The following ASH1L variants were observed in gnomAD, a reference collection of about 807,000 sequenced individuals.
ASH1L encodes the protein histone-lysine N-methyltransferase ASH1L.
A neutral mutation model predicts 269.0 loss-of-function variants in ASH1L; 23 were observed. The observed-to-expected ratio is 0.09, with a 90% CI of 0.06 to 0.12. The LOEUF is 0.12. Ranked by LOEUF, ASH1L falls within the 10% of genes least tolerant of loss-of-function variation. The pLI is 1.00. For missense variants in ASH1L, 2,912 were observed against 3,567.8 expected (o/e 0.82, Z 4.68); for synonymous variants, 1,187 against 1,253.5 (o/e 0.95, Z 1.12).
intron 6 of ASH1L, among the ~76,000 whole-genome samples, chr1:155,406,414 C>G (rs1659298822): frequency 6.6e-6 from 1 of 152,098 alleles, no homozygotes; most frequent in South Asian, 2.1e-4. Context: ...TTACAAAACT[C>G]CGGTATTTGG....
chr1:155,393,804 G>C (rs1054990546), intron 7 of ASH1L, among the ~76,000 whole-genome samples: 24 of 151,890 alleles, frequency 1.6e-4, no homozygotes, highest in African/African-American at 5.8e-4. Context: ...CACCTGCCTA[G>C]GTCTCCCAAA....
intron 7 of ASH1L, among the ~76,000 whole-genome samples, chr1:155,384,059 A>T (rs935035652): frequency 1.3e-5 from 2 of 152,228 alleles, no homozygotes; most frequent in African/African-American, 4.8e-5. Flanking sequence ...GCAGTGTTAA[A>T]ACTTTTTGCT....
intron 3 of ASH1L, among the ~76,000 whole-genome samples, chr1:155,460,177 T>G (rs1280869751): frequency 6.6e-6 from 1 of 152,310 alleles, no homozygotes. Context: ...TATGATTTAG[T>G]TTTCATGTGT....
At chr1:155,348,082 A>T (rs1168715653) in intron 19 of ASH1L, among the ~76,000 whole-genome samples, 178 bp from the exon 20 acceptor site, 1 of 152,228 alleles carries the variant, frequency 6.6e-6, no homozygotes, top group Non-Finnish European at 1.5e-5. Flanking sequence ...ACTAAAATGA[A>T]TTCAAGTTAG....
At chr1:155,532,718 G>T (rs1669752941) in intron 1 of ASH1L, among the ~76,000 whole-genome samples, 1 of 151,464 alleles carries the variant, frequency 6.6e-6, no homozygotes, top group South Asian at 2.1e-4. Context: ...AGCTACTCAG[G>T]AGGCTGAGGC....
In ASH1L at chr1:155,559,028, G is replaced by GATTT; in HGVS notation, c.-100+3124_-100+3125insAAAT. Among the ~76,000 whole-genome samples the GATTT allele has an allele frequency of 1.3e-5, 2 of 151,930 alleles. 1 individual carries two copies. Among genetic ancestry groups the GATTT allele is most frequent in the Admixed American group, 1.3e-4 (2 of 15,206 alleles). ...CTGGCTAATTTTTGTACTTTTAGTAGAGACGGGGTTTTGCCACGTTGGCCA... is the reference window on the plus strand; with the variant it reads ...CTGGCTAATTTTTGTACTTTTAGTAGATTTAGACGGGGTTTTGCCACGTTGGCCA... On this transcript the variant is annotated intron_variant, in intron 1 of 27. Coordinates refer to ENST00000392403, the MANE Select transcript of ASH1L (RefSeq NM_018489.3).
At chr1:155,490,716 G>A (rs1666716782) in intron 2 of ASH1L, among the ~76,000 whole-genome samples, 1 of 151,480 alleles carries the variant, frequency 6.6e-6, no homozygotes, top group African/African-American at 2.4e-5. Context: ...CAACACTTTG[G>A]GAAGCTGAGG....
intron 1 of ASH1L, among the ~76,000 whole-genome samples, chr1:155,531,394 T>C (rs1458948078): frequency 6.6e-6 from 1 of 152,014 alleles, no homozygotes; most frequent in Non-Finnish European, 1.5e-5. Flanking sequence ...AGTCTCCCTG[T>C]CACCCAGGCT....
intron 7 of ASH1L, among the ~76,000 whole-genome samples, chr1:155,381,609 T>G (rs1004937523): frequency 6.6e-6 from 1 of 152,094 alleles, no homozygotes; most frequent in Non-Finnish European, 1.5e-5. Flanking sequence ...CAATGGTTCA[T>G]GCCTGTAATC....
intron 4 of ASH1L, among the ~76,000 whole-genome samples, chr1:155,445,811 A>AT (rs1333652612): frequency 6.6e-6 from 1 of 151,908 alleles, no homozygotes. Context: ...AAGACTTTGT[A>AT]TTTTTTTAAT....
intron 2 of ASH1L, among the ~76,000 whole-genome samples, chr1:155,501,964 A>G (rs1000897895): frequency 2.6e-5 from 4 of 151,858 alleles, no homozygotes; most frequent in Admixed American, 2.0e-4. Flanking sequence ...CTCGGCCTAG[A>G]GATTGTTTTA....
intron 6 of ASH1L, among the ~76,000 whole-genome samples, chr1:155,415,267 A>C (rs1660111242): frequency 6.6e-6 from 1 of 151,700 alleles, no homozygotes; most frequent in Admixed American, 6.6e-5. Context: ...CTGTACTCCC[A>C]GCTACTCGGG....
At chr1:155,454,132 C>G (rs1663702152) in intron 4 of ASH1L, among the ~76,000 whole-genome samples, 1 of 152,126 alleles carries the variant, frequency 6.6e-6, no homozygotes, top group African/African-American at 2.4e-5. Context: ...ACCATTTACT[C>G]AAAAACTAAT....
intron 15 of ASH1L, among the ~76,000 whole-genome samples, chr1:155,355,143 C>T (rs1471682307): frequency 6.6e-6 from 1 of 152,206 alleles, no homozygotes; most frequent in Non-Finnish European, 1.5e-5. Flanking sequence ...GCAACCTCTG[C>T]TTCCCGGGTT....
rs374019092 is a variant in ASH1L, at chr1:155,438,881, G to A, written c.5274C>T (p.Thr1758=). The change falls in exon 5 of 28, where the codon ACC becomes ACT. Residue 1758 remains threonine (T), a synonymous_variant. Coordinates refer to ENST00000392403, the MANE Select transcript of ASH1L (RefSeq NM_018489.3). ...CTAAAAGGCTGTCTGGTTTTCCCAGGGTTCGGTCCTTGCTGTGGCTACGGC... is the reference window on the plus strand; with the variant it reads ...CTAAAAGGCTGTCTGGTTTTCCCAGAGTTCGGTCCTTGCTGTGGCTACGGC... ...SPGRSHSKDR[T]LGKPDSLLVP... The A allele has an allele frequency of 1.2e-5, 19 of 1,614,176 alleles. No individual in the cohort carries two copies. Among genetic ancestry groups the A allele is most frequent in the Middle Eastern group, 1.6e-4 (1 of 6,062 alleles).
chr1:155,392,343 A>T (rs1279886618), intron 7 of ASH1L, among the ~76,000 whole-genome samples: 2 of 152,150 alleles, frequency 1.3e-5, no homozygotes, highest in Admixed American at 1.3e-4. Context: ...CCACAGATAA[A>T]AAGAGCTATA....
chr1:155,398,073 A>G (rs778992805), intron 6 of ASH1L, among the ~76,000 whole-genome samples: 1 of 152,230 alleles, frequency 6.6e-6, no homozygotes, highest in Non-Finnish European at 1.5e-5. Flanking sequence ...ACAATGTTCC[A>G]GTAAAAACAA....
chr1:155,360,212 C>G, intron 13 of ASH1L, 89 bp downstream of exon 13: 1 of 904,266 alleles, frequency 1.1e-6, no homozygotes. Flanking sequence ...CTTAATGGCT[C>G]CAAGTCAATC....
rs866918016 is a variant in ASH1L at position 155,414,379 on chromosome 1, G to A, written c.6008+1365C>T. On this transcript the variant is annotated intron_variant, in intron 6 of 27. Coordinates refer to ENST00000392403, the MANE Select transcript of ASH1L (RefSeq NM_018489.3). ...AGGCTGGAGTCAATGGCTCGATCTC[G>A]GCTCACTGCAACCTCCGCCTCCCAG... 2.7e-4 allele frequency among the ~76,000 whole-genome samples: 41 copies of A among 151,840 alleles called. No individual in the cohort carries two copies. The Middle Eastern group carries it at 0.02, about 76-fold the overall frequency.
Sources: allele counts gnomAD v4.1 joint callset (sites outside exome capture counted in the v4.1 genomes callset), GRCh38; gene constraint gnomAD v4.1.1; transcripts MANE v1.5; gene names NCBI Gene and HGNC (gene_info 2026-07-23, HGNC 2026-07-21).